DNAH7: variants seen among roughly 807,000 people sequenced by gnomAD.
The protein encoded by DNAH7 is dynein axonemal heavy chain 7, also known as axonemal beta dynein heavy chain 7.
Under a neutral mutation model 444.6 loss-of-function variants are expected in DNAH7, and 397 were observed. The ratio of observed to expected loss-of-function variants is 0.89; its 90% CI spans 0.82 to 0.97. The LOEUF is 0.97. Ranked by LOEUF, DNAH7 falls within the 50% of genes least tolerant of loss-of-function variation. The pLI is 0.00. For missense variants in DNAH7, 4,902 were observed against 4,800.8 expected (o/e 1.02, Z -0.62); for synonymous variants, 1,636 against 1,624.4 (o/e 1.01, Z -0.17).
At chr2:196,066,824 A>C (rs1698453423) in intron 1 of DNAH7, among the ~76,000 whole-genome samples, 2 of 152,224 alleles carry the variant, frequency 1.3e-5, no homozygotes, top group Admixed American at 1.3e-4. Flanking sequence ...ATGTCACATA[A>C]AAAATGGCAT....
chr2:195,930,577 G>C (rs565189013), intron 21 of DNAH7, among the ~76,000 whole-genome samples: 2 of 152,240 alleles, frequency 1.3e-5, no homozygotes, highest in South Asian at 4.1e-4. Context: ...ACTATTGGTG[G>C]GATTGTAAGT....
intron 61 of DNAH7, among the ~76,000 whole-genome samples, chr2:195,763,408 GAAGA>G: frequency 6.6e-6 from 1 of 151,724 alleles, no homozygotes; most frequent in South Asian, 2.1e-4. Context: ...AAAATTAAAT[GAAGA>G]AAGTACATAA....
intron 59 of DNAH7, among the ~76,000 whole-genome samples, chr2:195,777,196 A>C (rs1221950981): frequency 6.6e-6 from 1 of 152,132 alleles, no homozygotes; most frequent in Non-Finnish European, 1.5e-5. Context: ...TTGTCTTAGC[A>C]ATCTCTAGAA....
At position 195,799,283 on chromosome 2, in the gene DNAH7, T is replaced by C; in HGVS notation, c.10353+13A>G. The C allele has an allele frequency of 9.4e-6, 14 of 1,493,290 alleles. No homozygotes were observed. Among genetic ancestry groups the C allele is most frequent in the Non-Finnish European group, 1.3e-5 (14 of 1,118,916 alleles). The allele number at this position is 1,493,290 out of a possible 1,614,324, so 92.5% of individuals were successfully genotyped here. ...TAAAATAATATCCGATAACTTCATC[T>C]ATTGTAAGGTACCTGGTCATCAGCA... On this transcript the variant is annotated intron_variant, in intron 55 of 64. Transcript: ENST00000312428.
chr2:195,845,839 G>A (rs566331820), intron 46 of DNAH7, among the ~76,000 whole-genome samples: 3 of 152,176 alleles, frequency 2.0e-5, no homozygotes, highest in Non-Finnish European at 2.9e-5. Flanking sequence ...CATTCGTTAC[G>A]CCATATACAA....
chr2:196,048,967 G>A (rs2125855876), intron 3 of DNAH7, among the ~76,000 whole-genome samples: 1 of 152,298 alleles, frequency 6.6e-6, no homozygotes, highest in Non-Finnish European at 1.5e-5. Flanking sequence ...CTGTGGCAGA[G>A]GAGAGAGCAC....
intron 15 of DNAH7, among the ~76,000 whole-genome samples, chr2:195,973,397 T>C (rs923643196): frequency 2.6e-5 from 4 of 152,156 alleles, no homozygotes; most frequent in Admixed American, 6.5e-5. Context: ...GGATGCACTT[T>C]ACTGTAAATT....
In DNAH7 at chr2:196,016,394, CAATA is replaced by C. The variant is rs549926628; in HGVS notation, c.869+2772_869+2775del. On this transcript the variant is annotated intron_variant, in intron 9 of 64. Coordinates refer to ENST00000312428, the MANE Select transcript of DNAH7 (RefSeq NM_018897.3). ...CAGCTGAGAAGAGGTATTTTAACTC[CAATA>C]TTCAAAAGAAAAGAAATGACAAAAA... 3.4e-4 allele frequency among the ~76,000 whole-genome samples: 52 copies of C among 152,180 alleles called. No individual in the cohort carries two copies. In the South Asian group the frequency reaches 0.011, roughly 31 times the overall value.
rs1476635089 is a variant in DNAH7 at position 195,864,537 on chromosome 2, G to A, written c.7118C>T (p.Thr2373Ile). Residue 2373 changes from threonine (T) to isoleucine (I), a missense_variant, in exon 41 of 65, where the codon ACT becomes ATT. Coordinates refer to ENST00000312428, the MANE Select transcript of DNAH7 (RefSeq NM_018897.3). ...FQVEISKGYD[T>I]TEWHEDLKVI... ...TTTTAAATCTTCATGCCATTCAGTA[G>A]TATCATACCCCTTAGAGATTTCAAC... The A allele has an allele frequency of 1.2e-6, 2 of 1,613,994 alleles. No homozygotes were observed. Among genetic ancestry groups the A allele is most frequent in the East Asian group, 2.2e-5 (1 of 44,892 alleles).
chr2:195,781,976 T>TACACACACAC (rs59244207), intron 58 of DNAH7, among the ~76,000 whole-genome samples: 7,398 of 129,646 alleles, frequency 0.057, 266 homozygotes, highest in South Asian at 0.11. Context: ...GTGGGTCTTA[T>TACACACACAC]ACACACACAC....
At chr2:195,787,273 G>A in intron 57 of DNAH7, 102 bp from the exon 58 acceptor site, 1 of 1,226,658 alleles carries the variant, frequency 8.2e-7, no homozygotes, top group Non-Finnish European at 1.1e-6. Context: ...TTTATAAATA[G>A]CATAGGGACA....
chr2:195,757,205 T>A (rs1694119427), intron 61 of DNAH7, among the ~76,000 whole-genome samples: 1 of 152,218 alleles, frequency 6.6e-6, no homozygotes, highest in Non-Finnish European at 1.5e-5. Flanking sequence ...CAGACTAACT[T>A]TGACTTAGTT....
intron 36 of DNAH7, among the ~76,000 whole-genome samples, chr2:195,880,993 AGTT>A (rs1430952193): frequency 6.8e-6 from 1 of 147,274 alleles, no homozygotes; most frequent in African/African-American, 2.5e-5. Flanking sequence ...GTACACTTTT[AGTT>A]TTTTTTTTTT....
intron 47 of DNAH7, 33 bp from the exon 48 acceptor site, chr2:195,834,393 G>A (rs915610529): frequency 6.4e-7 from 1 of 1,566,730 alleles, no homozygotes; most frequent in Non-Finnish European, 8.7e-7. Flanking sequence ...TGCTGGTCAA[G>A]CCATGATTTG....
intron 49 of DNAH7, among the ~76,000 whole-genome samples, chr2:195,821,230 G>A (rs574673459): frequency 6.6e-6 from 1 of 151,698 alleles, no homozygotes; most frequent in East Asian, 1.9e-4. Context: ...CTTTTTTAAA[G>A]CACCTTTGGA....
At chr2:195,909,657 A>C (rs1687238637) in intron 25 of DNAH7, among the ~76,000 whole-genome samples, 1 of 152,246 alleles carries the variant, frequency 6.6e-6, no homozygotes, top group African/African-American at 2.4e-5. Flanking sequence ...TATAAAAGTA[A>C]ATTACTAACT....
At chr2:195,772,697 A>G (rs551946129) in intron 60 of DNAH7, among the ~76,000 whole-genome samples, 1 of 152,184 alleles carries the variant, frequency 6.6e-6, no homozygotes, top group East Asian at 1.9e-4. Flanking sequence ...TATAAATATT[A>G]ACATGCTCAA....
chr2:196,028,601 T>C (rs1008977258), intron 5 of DNAH7, among the ~76,000 whole-genome samples: 6 of 152,218 alleles, frequency 3.9e-5, no homozygotes, highest in African/African-American at 1.4e-4. Context: ...TAACTATAAT[T>C]CAATTCAAAA....
At position 195,940,228 on chromosome 2, in the gene DNAH7, A is replaced by C. The variant is rs577976340; in HGVS notation, c.3079-3436T>G. ...CTCAGAAATCACACCACACATCTAC[A>C]ACCATCTGATCTTTGACAAACCTGA... On this transcript the variant is annotated intron_variant, in intron 19 of 64. Coordinates refer to ENST00000312428, the MANE Select transcript of DNAH7 (RefSeq NM_018897.3). Among the ~76,000 whole-genome samples the C allele has an allele frequency of 2.6e-5, 4 of 152,292 alleles. No individual in the cohort carries two copies. The East Asian group carries it at 5.8e-4, about 22-fold the overall frequency.
Sources: allele counts gnomAD v4.1 joint callset (sites outside exome capture counted in the v4.1 genomes callset), GRCh38; gene constraint gnomAD v4.1.1; transcripts MANE v1.5; gene names NCBI Gene and HGNC (gene_info 2026-07-23, HGNC 2026-07-21).